Variants in POLR1A observed in about 807,000 individuals in gnomAD.
POLR1A encodes the protein RNA polymerase I subunit A, also known as DNA-directed RNA polymerase I subunit RPA1.
POLR1A carries 84 observed loss-of-function variants against 205.3 expected under a neutral mutation model. The ratio of observed to expected loss-of-function variants is 0.41; its 90% CI spans 0.34 to 0.49. The LOEUF is 0.49. POLR1A is among the 20% of genes least tolerant of loss of function. POLR1A has a pLI of 0.22. For synonymous variants in POLR1A, 799 were observed against 863.7 expected, an observed-to-expected ratio of 0.93 and a Z score of 1.31; for missense variants, 1,645 against 2,204.5, an observed-to-expected ratio of 0.75 and a Z score of 5.08.
At chr2:86,084,286 A>G (rs1439710557) in intron 6 of POLR1A, among the ~76,000 whole-genome samples, 2 of 152,000 alleles carry the variant, frequency 1.3e-5, no homozygotes, top group East Asian at 3.9e-4. Context: ...AAAATACTGG[A>G]CATGACTGTA....
chr2:86,047,890 G>A (rs58403969), intron 18 of POLR1A, among the ~76,000 whole-genome samples: 1,889 of 152,282 alleles, frequency 0.012, 48 homozygotes, highest in African/African-American at 0.043. Context: ...CTGGGTGGGC[G>A]GAGGTGGTGG....
intron 3 of POLR1A, among the ~76,000 whole-genome samples, chr2:86,095,976 C>G (rs1673695377): frequency 6.6e-6 from 1 of 152,096 alleles, no homozygotes; most frequent in Non-Finnish European, 1.5e-5. Context: ...GATCCACCTG[C>G]CTCGGCCTCC....
chr2:86,064,892 C>T (rs1673059242), intron 14 of POLR1A, among the ~76,000 whole-genome samples: 1 of 152,014 alleles, frequency 6.6e-6, no homozygotes, highest in African/African-American at 2.4e-5. Context: ...ATTCTCTTGC[C>T]TCAGCCTCCC....
chr2:86,040,764 G>C (rs1258397902), intron 24 of POLR1A, among the ~76,000 whole-genome samples: 2 of 152,148 alleles, frequency 1.3e-5, no homozygotes, highest in Non-Finnish European at 2.9e-5. Flanking sequence ...ACAGATCCCA[G>C]CTGGGTGGCT....
intron 9 of POLR1A, among the ~76,000 whole-genome samples, chr2:86,080,226 T>A (rs1467067887): frequency 6.6e-6 from 1 of 152,132 alleles, no homozygotes; most frequent in East Asian, 1.9e-4. Flanking sequence ...GCTTCCTGGG[T>A]GCCCAATTCA....
chr2:86,101,673 CTG>C (rs1673824811), intron 1 of POLR1A, among the ~76,000 whole-genome samples: 1 of 152,228 alleles, frequency 6.6e-6, no homozygotes, highest in Non-Finnish European at 1.5e-5. Context: ...TTCATCATAA[CTG>C]TTTCAATTAG....
chr2:86,029,896 G>T (rs760365949), intron 31 of POLR1A, among the ~76,000 whole-genome samples: 1 of 152,064 alleles, frequency 6.6e-6, no homozygotes, highest in Non-Finnish European at 1.5e-5. Flanking sequence ...CACCACGCCC[G>T]GCCCGAGGGT....
At chr2:86,041,659 C>T (rs1398567430) in intron 24 of POLR1A, among the ~76,000 whole-genome samples, 1 of 152,176 alleles carries the variant, frequency 6.6e-6, no homozygotes, top group Non-Finnish European at 1.5e-5. Context: ...AGACCACTAT[C>T]CCTATCTTGG....
At position 86,042,918 on chromosome 2, in the gene POLR1A, C is replaced by G. The variant is rs116289900; in HGVS notation, c.3357+56G>C. On this transcript the variant is annotated intron_variant, in intron 23 of 33. Coordinates refer to ENST00000263857, the MANE Select transcript of POLR1A (RefSeq NM_015425.6). ...TAGGAAAACAGCCCCTCATCCCTCA[C>G]CCACTGACTAAGCCTGGACGTGCTG... 1.8e-3 allele frequency: 2,361 copies of G among 1,276,950 alleles called. 27 individuals carry two copies. The African/African-American group carries it at 0.03, about 16-fold the overall frequency. The allele number at this position is 1,276,950 out of a possible 1,614,324, so 79.1% of individuals were successfully genotyped here. A position where few individuals can be genotyped will look rare whatever the true frequency, so the allele number is the denominator to read the frequency against.
chr2:86,088,709 C>T, intron 5 of POLR1A, 40 bp from the exon 6 acceptor site: 1 of 1,601,556 alleles, frequency 6.2e-7, no homozygotes, highest in Middle Eastern at 1.7e-4. Flanking sequence ...GAGAAAAAAC[C>T]CAGTAAGATA....
chr2:86,041,418 C>A (rs1672605449), intron 24 of POLR1A, among the ~76,000 whole-genome samples: 1 of 151,430 alleles, frequency 6.6e-6, no homozygotes. Context: ...GTGTGTCTGT[C>A]CTAGTCCAAG....
chr2:86,028,105 A>T lies in POLR1A; in HGVS notation c.4898-56T>A. The T allele has an allele frequency of 6.4e-7, 1 of 1,556,450 alleles. No homozygotes were observed. Among genetic ancestry groups the T allele is most frequent in the Non-Finnish European group, 8.9e-7 (1 of 1,129,480 alleles). Reference sequence around the variant, plus strand: ...TTAAGCAGTGACCACGGGAGCAGTCAGCAGACACAAGCCAAGCTGCCTCCA... The same window carrying T: ...TTAAGCAGTGACCACGGGAGCAGTCTGCAGACACAAGCCAAGCTGCCTCCA... On this transcript the variant is annotated intron_variant, in intron 32 of 33. Transcript: ENST00000263857. The surrounding 1 kb of genome is among the most constrained non-coding windows in gnomAD (Gnocchi z 4.5).
intron 6 of POLR1A, among the ~76,000 whole-genome samples, chr2:86,083,755 A>G (rs1310695281): frequency 1.3e-5 from 2 of 152,218 alleles, no homozygotes; most frequent in African/African-American, 4.8e-5. Flanking sequence ...AAAAGTTCAT[A>G]TAAGTTGAAT....
chr2:86,096,146 G>A (rs1046307241), intron 3 of POLR1A, among the ~76,000 whole-genome samples: 4 of 151,906 alleles, frequency 2.6e-5, no homozygotes, highest in Non-Finnish European at 5.9e-5. Flanking sequence ...CACAAACAAT[G>A]AATTAGCTGA....
In POLR1A at chr2:86,054,159, T is replaced by A. The variant is rs1166848064; in HGVS notation, c.2189A>T (p.Asp730Val). The A allele has an allele frequency of 1.2e-6, 2 of 1,613,834 alleles. No individual in the cohort carries two copies. Among genetic ancestry groups the A allele is most frequent in the African/African-American group, 2.7e-5 (2 of 74,908 alleles). ...TPRSVPGFNP[D>V]SMCESQVIIR... The stretch of plus-strand genomic sequence containing the variant: ...CCATACCTGGGACTCGCACATCGAG[T>A]CAGGGTTAAAGCCAGGAACGGATCG... Residue 730 changes from aspartate (D) to valine (V), a missense_variant, in exon 15 of 34, where the codon GAC (aspartate) becomes GTC (valine). Physicochemically the swap from Asp to Val is radical, Grantham distance 152. This residue lies in a region of POLR1A where 339 missense variants were observed against 415.1 expected (regional missense o/e 0.82). Transcript: ENST00000263857.
At chr2:86,098,829 T>C in intron 2 of POLR1A, 69 bp from the exon 3 acceptor site, 1 of 1,469,328 alleles carries the variant, frequency 6.8e-7, no homozygotes, top group East Asian at 2.3e-5. Flanking sequence ...ATTTTCGGTA[T>C]ACTCACAAGT....
chr2:86,081,088 CAACCAACCTTCCT>C, intron 8 of POLR1A, 110 bp from the exon 9 acceptor site: 1 of 979,424 alleles, frequency 1.0e-6, no homozygotes, highest in African/African-American at 1.6e-5. Flanking sequence ...ATGCTCAAAA[CAACCAACCTTCCT>C]AACCAACATT....
intron 27 of POLR1A, 88 bp downstream of exon 27, chr2:86,038,612 T>C (rs1381045527): frequency 1.5e-6 from 2 of 1,336,874 alleles, no homozygotes; most frequent in South Asian, 1.3e-5. Flanking sequence ...ACTCAATCTC[T>C]AGGAGCCTTG....
At chr2:86,088,093 G>A (rs561968891) in intron 6 of POLR1A, among the ~76,000 whole-genome samples, 3 of 152,308 alleles carry the variant, frequency 2.0e-5, no homozygotes, top group African/African-American at 7.2e-5. Flanking sequence ...GTAGGGCAGA[G>A]CTGAGGAAAG....
Sources: allele counts gnomAD v4.1 joint callset (sites outside exome capture counted in the v4.1 genomes callset), GRCh38; gene constraint gnomAD v4.1.1; regional missense constraint gnomAD v4.1.1; non-coding constraint Gnocchi (gnomAD v3.1); transcripts MANE v1.5; gene names NCBI Gene and HGNC (gene_info 2026-07-23, HGNC 2026-07-21).